The following ANKS1A variants were observed in gnomAD, a reference collection of about 807,000 sequenced individuals.
The protein encoded by ANKS1A is ankyrin repeat and sterile alpha motif domain containing 1A.
ANKS1A carries 55 observed loss-of-function variants against 120.3 expected under a neutral mutation model. That is an observed-to-expected ratio of 0.46 (90% CI 0.37 to 0.57). The LOEUF (loss-of-function observed/expected upper bound fraction) is 0.57, where lower values mean the gene tolerates loss of function less well. ANKS1A is among the 20% of genes least tolerant of loss of function. ANKS1A has a pLI of 0.00. For synonymous variants in ANKS1A, 590 were observed against 604.7 expected (o/e 0.98, Z 0.36); for missense variants, 1,123 against 1,480.3 (o/e 0.76, Z 3.96).
intron 1 of ANKS1A, among the ~76,000 whole-genome samples, chr6:34,903,173 G>T (rs1490612014): frequency 6.6e-6 from 1 of 152,216 alleles, no homozygotes; most frequent in Middle Eastern, 3.4e-3. Flanking sequence ...TGTGTGGGGC[G>T]TTCCCACTGT....
chr6:35,079,439 T>A, intron 14 of ANKS1A, 77 bp from the exon 15 acceptor site: 1 of 1,572,288 alleles, frequency 6.4e-7, no homozygotes, highest in Non-Finnish European at 8.6e-7. Context: ...CTGTGTGAGC[T>A]GGCTGGGTCC....
At chr6:34,962,624 A>G (rs1462212888) in intron 1 of ANKS1A, among the ~76,000 whole-genome samples, 2 of 151,784 alleles carry the variant, frequency 1.3e-5, no homozygotes, top group African/African-American at 4.8e-5. Context: ...CATCTCTACT[A>G]AAAATACAAA....
intron 1 of ANKS1A, among the ~76,000 whole-genome samples, chr6:34,939,674 C>G (rs1769432339): frequency 6.6e-6 from 1 of 151,962 alleles, no homozygotes; most frequent in Non-Finnish European, 1.5e-5. Flanking sequence ...GATCGTGCCA[C>G]TGCACTCCAG....
chr6:34,899,331 T>C (rs1429025467), intron 1 of ANKS1A, among the ~76,000 whole-genome samples: 1 of 152,150 alleles, frequency 6.6e-6, no homozygotes, highest in Non-Finnish European at 1.5e-5. Context: ...TGGAGCAATA[T>C]GCTCCAAGCA....
At chr6:34,914,412 T>C (rs1483660265) in intron 1 of ANKS1A, among the ~76,000 whole-genome samples, 2 of 152,222 alleles carry the variant, frequency 1.3e-5, no homozygotes, top group African/African-American at 4.8e-5. Flanking sequence ...AAAATAATCG[T>C]CACTTCGTAA....
chr6:34,921,987 C>T (rs1361415599), intron 1 of ANKS1A, among the ~76,000 whole-genome samples: 1 of 150,622 alleles, frequency 6.6e-6, no homozygotes, highest in Non-Finnish European at 1.5e-5. Context: ...TGAGCCACTG[C>T]TTCTAGCCAG....
At chr6:34,945,642 C>T (rs895967331) in intron 1 of ANKS1A, among the ~76,000 whole-genome samples, 6 of 152,200 alleles carry the variant, frequency 3.9e-5, no homozygotes, top group South Asian at 4.1e-4. Context: ...TGGCATACCT[C>T]ATCTTTTATT....
chr6:35,088,602 C>T lies in ANKS1A; in HGVS notation c.3402-4C>T, dbSNP rs1204409614. 6 of 1,614,216 alleles carry T rather than the reference C, an allele frequency of 3.7e-6. No homozygotes were observed. The highest frequency in any genetic ancestry group is 3.3e-5 in the South Asian group (3 of 91,088). ...TCCTCCCCCCATTGTTTGCTTCTGC[C>T]AAGCTGAGCCACTGAGGAACCACAC... On this transcript the variant is annotated splice_polypyrimidine_tract_variant and splice_region_variant and intron_variant, in intron 23 of 23. Coordinates refer to ENST00000360359, the MANE Select transcript of ANKS1A (RefSeq NM_015245.3).
chr6:34,943,346 A>G (rs1448735787), intron 1 of ANKS1A, among the ~76,000 whole-genome samples: 1 of 152,146 alleles, frequency 6.6e-6, no homozygotes, highest in Non-Finnish European at 1.5e-5. Flanking sequence ...AGTTTCCCCT[A>G]TTATTATTAA....
At chr6:34,948,285 G>A (rs1049497011) in intron 1 of ANKS1A, among the ~76,000 whole-genome samples, 2 of 151,986 alleles carry the variant, frequency 1.3e-5, no homozygotes, top group African/African-American at 4.8e-5. Flanking sequence ...AGTTTAAGCA[G>A]AAAAGCTTTA....
chr6:34,985,609 T>A (rs2127530399), intron 8 of ANKS1A, among the ~76,000 whole-genome samples: 1 of 152,362 alleles, frequency 6.6e-6, no homozygotes, highest in African/African-American at 2.4e-5. Flanking sequence ...GAATTTTTGC[T>A]GTATATTGTC....
rs535901751 is a variant in ANKS1A, at chr6:34,946,882, C to A, written c.198-20357C>A. ...TTTATGAACCAACAGTTAGTTAAAT[C>A]TAGCAGACCGTCAATTGAGGTAGGT... On this transcript the variant is annotated intron_variant, in intron 1 of 23. Transcript: ENST00000360359. Among the ~76,000 whole-genome samples the A allele has an allele frequency of 8.5e-5, 13 of 152,268 alleles. No homozygotes were observed. The South Asian group carries it at 2.7e-3, about 32-fold the overall frequency.
At chr6:35,023,123 G>C (rs1323531011) in intron 11 of ANKS1A, among the ~76,000 whole-genome samples, 1 of 152,138 alleles carries the variant, frequency 6.6e-6, no homozygotes, top group African/African-American at 2.4e-5. Context: ...ACTCCTGGGA[G>C]GGACCTTCTC....
chr6:34,973,389 G>A (rs1436434046), intron 3 of ANKS1A, among the ~76,000 whole-genome samples: 1 of 152,224 alleles, frequency 6.6e-6, no homozygotes, highest in East Asian at 1.9e-4. Flanking sequence ...GTGATGAACA[G>A]GCCAGCCCTG....
chr6:34,898,543 T>C (rs1767203767), intron 1 of ANKS1A, among the ~76,000 whole-genome samples: 1 of 152,208 alleles, frequency 6.6e-6, no homozygotes, highest in South Asian at 2.1e-4. Context: ...TATGAAAATA[T>C]ATTTTCAGAG....
chr6:35,001,524 C>T (rs2127544218), intron 10 of ANKS1A, among the ~76,000 whole-genome samples: 1 of 152,360 alleles, frequency 6.6e-6, no homozygotes, highest in African/African-American at 2.4e-5. Flanking sequence ...TCTGCTATAT[C>T]TCAAAGTCCA....
intron 1 of ANKS1A, among the ~76,000 whole-genome samples, chr6:34,918,628 C>T (rs1036224774): frequency 2.6e-5 from 4 of 152,142 alleles, no homozygotes; most frequent in Non-Finnish European, 4.4e-5. Context: ...TCAGAAGTTA[C>T]GACGTTGAGC....
chr6:35,094,590 A>G (rs1008560528), downstream of ANKS1A, among the ~76,000 whole-genome samples: 3 of 152,248 alleles, frequency 2.0e-5, no homozygotes, highest in African/African-American at 7.2e-5. Context: ...GCAAAGAAAT[A>G]AAAGATATAA....
downstream of ANKS1A, among the ~76,000 whole-genome samples, chr6:35,092,373 A>G (rs575669789): frequency 7.9e-5 from 12 of 152,358 alleles, no homozygotes; most frequent in Middle Eastern, 3.4e-3. Flanking sequence ...GTTTATGTCT[A>G]AAACTTAACC....
Sources: allele counts gnomAD v4.1 joint callset (sites outside exome capture counted in the v4.1 genomes callset), GRCh38; gene constraint gnomAD v4.1.1; transcripts MANE v1.5; gene names NCBI Gene and HGNC (gene_info 2026-07-23, HGNC 2026-07-21).